CA10: variants seen among roughly 807,000 people sequenced by gnomAD.
The protein encoded by CA10 is carbonic anhydrase-related protein 10.
In CA10, 14 loss-of-function variants were observed where a neutral mutation model predicts 44.2. That is an observed-to-expected ratio of 0.32 (90% CI 0.21 to 0.50). The LOEUF is 0.50. CA10 is among the 20% of genes least tolerant of loss of function. CA10 has a pLI of 0.99. For synonymous variants in CA10, 159 were observed against 141.6 expected (o/e 1.12, Z -0.87); for missense variants, 350 against 409.7 (o/e 0.85, Z 1.26).
intron 2 of CA10, among the ~76,000 whole-genome samples, chr17:51,963,100 C>T (rs1353166498): frequency 6.6e-6 from 1 of 152,096 alleles, no homozygotes; most frequent in Non-Finnish European, 1.5e-5. Flanking sequence ...AATTGAAAAA[C>T]TCAAGGAATT....
rs148853339 is a variant in CA10, at chr17:51,957,761, A to G, written c.137-26629T>C. The stretch of plus-strand genomic sequence containing the variant: ...ATATTCAACTATTTTCTGCTCTCCT[A>G]GAGTGCCATGCATTTGCAAGCCTCC... On this transcript the variant is annotated intron_variant, in intron 2 of 8. Transcript: ENST00000451037. Among the ~76,000 whole-genome samples, 19 of 152,306 alleles carry G rather than the reference A, an allele frequency of 1.2e-4. No homozygotes were observed. The East Asian group carries it at 3.7e-3, about 29-fold the overall frequency.
chr17:51,931,919 C>A (rs1311696494), intron 2 of CA10, among the ~76,000 whole-genome samples: 1 of 152,170 alleles, frequency 6.6e-6, no homozygotes, highest in Non-Finnish European at 1.5e-5. Context: ...AGCCAACCTA[C>A]TAATTTTATA....
At chr17:52,118,012 T>C (rs559415731) in intron 1 of CA10, among the ~76,000 whole-genome samples, 1 of 152,290 alleles carries the variant, frequency 6.6e-6, no homozygotes, top group South Asian at 2.1e-4. Context: ...AACATTGAAG[T>C]AAAAGCACAA....
intron 4 of CA10, among the ~76,000 whole-genome samples, chr17:51,674,311 G>GGAA (rs1385137166): frequency 6.6e-6 from 1 of 152,080 alleles, no homozygotes; most frequent in Non-Finnish European, 1.5e-5. Context: ...ACCACTGCAG[G>GGAA]GAAGAAAAAT....
chr17:52,071,314 C>A (rs535285477), intron 2 of CA10, among the ~76,000 whole-genome samples: 124 of 152,330 alleles, frequency 8.1e-4, no homozygotes, highest in African/African-American at 2.9e-3. Context: ...CCTTACCATG[C>A]CTGCTTTCCT....
rs1567854508 is a variant in CA10, at chr17:51,831,680, A to AGCGGCAGCG, written c.280-83863_280-83862insCGCTGCCGC. ...GGAGAAAAGAAAAAGCAGCAGCAGC[A>AGCGGCAGCG]GCAGCAGCAGCAGCAGCAGCAGCAG... On this transcript the variant is annotated intron_variant, in intron 3 of 8. Transcript: ENST00000451037. Among the ~76,000 whole-genome samples, 54 of 47,114 alleles carry AGCGGCAGCG rather than the reference A, an allele frequency of 1.1e-3. 1 individual carries two copies. Among genetic ancestry groups the AGCGGCAGCG allele is most frequent in the Admixed American group, 2.7e-3 (12 of 4,498 alleles). 30.9% of individuals were successfully genotyped at this position (47,114 alleles called of 152,430 possible).
At chr17:52,134,746 T>A (rs1989314445) in intron 1 of CA10, 2 of 412,424 alleles carry the variant, frequency 4.8e-6, no homozygotes, top group Non-Finnish European at 1.0e-5. Context: ...ATTTTGCAAT[T>A]CTCTGTGTGA....
intron 6 of CA10, among the ~76,000 whole-genome samples, chr17:51,648,219 A>T (rs1404865536): frequency 2.6e-5 from 4 of 152,206 alleles, no homozygotes; most frequent in African/African-American, 9.6e-5. Context: ...AGCAGCAGAC[A>T]CAGCTGAGCT....
chr17:51,754,367 C>T lies in CA10; in HGVS notation c.280-6549G>A, dbSNP rs559489951. Reference sequence around the variant, plus strand: ...GGGTAAAATAAAGAGACAACACATGCGCACACACACATACATACTACTGTG... The same window carrying T: ...GGGTAAAATAAAGAGACAACACATGTGCACACACACATACATACTACTGTG... On this transcript the variant is annotated intron_variant, in intron 3 of 8. Coordinates refer to ENST00000451037, the MANE Select transcript of CA10 (RefSeq NM_020178.5). 4.4e-4 allele frequency among the ~76,000 whole-genome samples: 60 copies of T among 137,912 alleles called. 1 individual carries two copies. The highest frequency in any genetic ancestry group is 7.7e-3 in the Middle Eastern group (2 of 260). The allele number at this position is 137,912 out of a possible 152,430, so 90.5% of individuals were successfully genotyped here.
chr17:51,905,617 G>A (rs867506638), intron 3 of CA10, among the ~76,000 whole-genome samples: 3 of 146,466 alleles, frequency 2.0e-5, no homozygotes, highest in African/African-American at 7.6e-5. Flanking sequence ...ATAGCTGGTT[G>A]GACCTAGCTC....
At chr17:51,718,719 G>T (rs1297706258) in intron 4 of CA10, among the ~76,000 whole-genome samples, 1 of 152,220 alleles carries the variant, frequency 6.6e-6, no homozygotes, top group East Asian at 1.9e-4. Flanking sequence ...TCCATCTGTG[G>T]GGTCTGTTGC....
chr17:51,976,969 C>T (rs1984486108), intron 2 of CA10, among the ~76,000 whole-genome samples: 1 of 151,838 alleles, frequency 6.6e-6, no homozygotes, highest in Non-Finnish European at 1.5e-5. Context: ...ATTAAACGGG[C>T]AGATTCCATG....
At chr17:52,033,269 T>C (rs1037708356) in intron 2 of CA10, among the ~76,000 whole-genome samples, 1 of 152,192 alleles carries the variant, frequency 6.6e-6, no homozygotes, top group Non-Finnish European at 1.5e-5. Context: ...ATTTTTCCCC[T>C]TCATATTGAA....
intron 1 of CA10, among the ~76,000 whole-genome samples, chr17:52,152,304 A>G (rs1231231666): frequency 6.6e-6 from 1 of 152,188 alleles, no homozygotes; most frequent in Admixed American, 6.5e-5. Flanking sequence ...TCACAAAGTG[A>G]ATAACCATAT....
intron 1 of CA10, among the ~76,000 whole-genome samples, chr17:52,124,803 G>A (rs1697652768): frequency 6.6e-6 from 1 of 152,118 alleles, no homozygotes; most frequent in Non-Finnish European, 1.5e-5. Context: ...TATGACTTAG[G>A]AATCTTTCTC....
At chr17:51,774,443 GTCT>G (rs1002732354) in intron 3 of CA10, among the ~76,000 whole-genome samples, 30 of 134,634 alleles carry the variant, frequency 2.2e-4, no homozygotes, top group South Asian at 5.1e-4. Flanking sequence ...TTCATTTAAG[GTCT>G]TTTTTTTTTT....
intron 2 of CA10, among the ~76,000 whole-genome samples, chr17:52,023,542 T>C (rs934836165): frequency 6.6e-6 from 1 of 152,008 alleles, no homozygotes; most frequent in African/African-American, 2.4e-5. Flanking sequence ...AATACCCTAA[T>C]GGACATGGCC....
At chr17:51,876,466 G>A (rs887747298) in intron 3 of CA10, among the ~76,000 whole-genome samples, 1 of 151,346 alleles carries the variant, frequency 6.6e-6, no homozygotes, top group Non-Finnish European at 1.5e-5. Context: ...TACAGCATGA[G>A]TCAGTGCACC....
intron 8 of CA10, among the ~76,000 whole-genome samples, chr17:51,633,231 C>A (rs1413781482): frequency 6.6e-6 from 1 of 152,098 alleles, no homozygotes; most frequent in Non-Finnish European, 1.5e-5. Context: ...ACCTACCGTC[C>A]ATCCATCCAT....
Sources: allele counts gnomAD v4.1 joint callset (sites outside exome capture counted in the v4.1 genomes callset), GRCh38; gene constraint gnomAD v4.1.1; transcripts MANE v1.5; gene names NCBI Gene and HGNC (gene_info 2026-07-23, HGNC 2026-07-21).